Variants in PIK3C3 observed in about 807,000 individuals in gnomAD.
PIK3C3 encodes the protein PI3-kinase type 3.
PIK3C3 carries 95 observed loss-of-function variants against 126.1 expected under a neutral mutation model. That is an observed-to-expected ratio of 0.75 (90% CI 0.64 to 0.89). The LOEUF (loss-of-function observed/expected upper bound fraction) is 0.89, where lower values mean the gene tolerates loss of function less well. Among genes scored for constraint, PIK3C3 ranks in the 40% least tolerant of loss-of-function variants. The pLI is 0.00. For synonymous variants in PIK3C3, 374 were observed against 360.0 expected, an observed-to-expected ratio of 1.04 and a Z score of -0.44; for missense variants, 829 against 1,063.2, an observed-to-expected ratio of 0.78 and a Z score of 3.06.
intron 7 of PIK3C3, 54 bp from the exon 8 acceptor site, chr18:41,995,836 T>G (rs1301897815): frequency 8.0e-7 from 1 of 1,251,956 alleles, no homozygotes; most frequent in Non-Finnish European, 1.2e-6. Context: ...GAATAGCTTT[T>G]GAAATTTCCT....
chr18:42,042,976 A>G (rs1312704853), intron 19 of PIK3C3, among the ~76,000 whole-genome samples: 2 of 152,044 alleles, frequency 1.3e-5, no homozygotes, highest in African/African-American at 4.8e-5. Context: ...CCTGTGGCCC[A>G]TGTTCCTGTC....
intron 24 of PIK3C3, among the ~76,000 whole-genome samples, chr18:42,076,099 T>TAC (rs1985968889): frequency 1.3e-5 from 1 of 74,924 alleles, no homozygotes; most frequent in African/African-American, 7.0e-5. Flanking sequence ...CATATATATA[T>TAC]ATATATATAT....
At chr18:42,010,880 T>C (rs898367794) in intron 10 of PIK3C3, among the ~76,000 whole-genome samples, 1 of 152,200 alleles carries the variant, frequency 6.6e-6, no homozygotes, top group Admixed American at 6.5e-5. Flanking sequence ...ATAATAAGAC[T>C]TGAAAGTCGA....
At position 42,076,146 on chromosome 18, in the gene PIK3C3, GCATATATATATATATGCA is replaced by G. The variant is rs1315528137; in HGVS notation, c.2650-4963_2650-4946del. ...TGCGCATATATATATATATATATGC[GCATATATATATATATGCA>G]CATATATATATATGCACATATATAT... On this transcript the variant is annotated intron_variant, in intron 24 of 24. Coordinates refer to ENST00000262039, the MANE Select transcript of PIK3C3 (RefSeq NM_002647.4). Among the ~76,000 whole-genome samples, 151 of 32,342 alleles carry G rather than the reference GCATATATATATATATGCA, an allele frequency of 4.7e-3. 2 individuals carry two copies. Among genetic ancestry groups the G allele is most frequent in the Non-Finnish European group, 0.011 (132 of 11,772 alleles). 21.2% of individuals were successfully genotyped at this position (32,342 alleles called of 152,430 possible). A position where few individuals can be genotyped will look rare whatever the true frequency, so the allele number is the denominator to read the frequency against.
At chr18:42,062,258 A>G (rs62082876) in intron 22 of PIK3C3, among the ~76,000 whole-genome samples, 1 of 149,140 alleles carries the variant, frequency 6.7e-6, no homozygotes, top group Non-Finnish European at 1.5e-5. Flanking sequence ...TTTTTTTATA[A>G]TATGTAACAG....
chr18:41,961,330 T>C (rs1363013908), intron 2 of PIK3C3, among the ~76,000 whole-genome samples: 2 of 152,232 alleles, frequency 1.3e-5, no homozygotes, highest in Admixed American at 1.3e-4. Flanking sequence ...CACTGCTTAG[T>C]GTTTTTCTTT....
In PIK3C3 at chr18:42,020,675, A is replaced by G; in HGVS notation, c.1454A>G (p.Lys485Arg). ...LCTFLISRAC[K>R]NSTLANYLYW... is the part of the protein sequence containing the mutation. The stretch of plus-strand genomic sequence containing the variant: ...ACCTTCTTGATATCGAGAGCCTGCA[A>G]AAACTCAACACTGGCTAATTATTTA... The change falls in exon 13 of 25, where the codon AAA (lysine) becomes AGA (arginine). Residue 485 changes from lysine (K) to arginine (R), a missense_variant. Transcript: ENST00000262039. 6.2e-7 allele frequency: 1 copy of G among 1,603,860 alleles called. No homozygotes were observed. Among genetic ancestry groups the G allele is most frequent in the South Asian group, 1.1e-5 (1 of 90,398 alleles).
chr18:42,044,757 T>A (rs1032907301), intron 20 of PIK3C3, among the ~76,000 whole-genome samples: 4 of 152,156 alleles, frequency 2.6e-5, no homozygotes, highest in African/African-American at 9.6e-5. Context: ...TATAACTAGA[T>A]TGTTTATGGG....
intron 4 of PIK3C3, among the ~76,000 whole-genome samples, chr18:41,979,229 A>C (rs765867840): frequency 6.6e-6 from 1 of 152,126 alleles, no homozygotes. Flanking sequence ...CTGTTTCCAC[A>C]TGTGATTTAT....
chr18:41,996,182 A>C (rs537183948), intron 8 of PIK3C3, among the ~76,000 whole-genome samples, 188 bp downstream of exon 8: 7 of 152,170 alleles, frequency 4.6e-5, no homozygotes, highest in African/African-American at 1.7e-4. Flanking sequence ...TAAATGTGTT[A>C]TCTCTGGAGA....
At chr18:41,969,192 A>G (rs117256098) in intron 3 of PIK3C3, among the ~76,000 whole-genome samples, 362 of 152,136 alleles carry the variant, frequency 2.4e-3, no homozygotes, top group Admixed American at 5.7e-3. Context: ...GTCCATCTAC[A>G]CACACTTCTA....
intron 21 of PIK3C3, chr18:42,050,225 A>C (rs1224090669): frequency 2.0e-5 from 3 of 152,176 alleles, no homozygotes; most frequent in Admixed American, 6.5e-5. Flanking sequence ...TAGATTGTTA[A>C]AATGTCCTTT....
At chr18:42,005,842 A>G (rs1982518246) in intron 10 of PIK3C3, among the ~76,000 whole-genome samples, 1 of 150,008 alleles carries the variant, frequency 6.7e-6, no homozygotes, top group African/African-American at 2.4e-5. Flanking sequence ...ACCCCAACAA[A>G]TAATTCATCT....
chr18:42,043,674 A>C, intron 19 of PIK3C3, 59 bp from the exon 20 acceptor site: 1 of 1,134,776 alleles, frequency 8.8e-7, no homozygotes, highest in East Asian at 2.4e-5. Flanking sequence ...TATAGTTTCA[A>C]AACACCTAGT....
At chr18:42,060,895 T>C (rs1457785964) in intron 22 of PIK3C3, among the ~76,000 whole-genome samples, 1 of 152,230 alleles carries the variant, frequency 6.6e-6, no homozygotes, top group African/African-American at 2.4e-5. Flanking sequence ...CATACATCAT[T>C]AACTACATTG....
At position 42,081,052 on chromosome 18, in the gene PIK3C3, A is replaced by G. The variant is rs1037339212; in HGVS notation, c.2650-71A>G. On this transcript the variant is annotated intron_variant, in intron 24 of 24. Transcript: ENST00000262039. ...TTTATTAGTAGTCTTTTTTAAAACT[A>G]TAGACTATTGTTTATCTTTGTGAAT... The G allele has an allele frequency of 2.2e-5, 20 of 896,150 alleles. No homozygotes were observed. The Middle Eastern group carries it at 7.5e-4, about 34-fold the overall frequency. The allele number at this position is 896,150 out of a possible 1,614,324, so 55.5% of individuals were successfully genotyped here. A position where few individuals can be genotyped will look rare whatever the true frequency, so the allele number is the denominator to read the frequency against.
At chr18:41,996,969 T>G (rs1982056567) in intron 9 of PIK3C3, among the ~76,000 whole-genome samples, 1 of 152,066 alleles carries the variant, frequency 6.6e-6, no homozygotes, top group Non-Finnish European at 1.5e-5. Flanking sequence ...GAGACTTGGG[T>G]TCGTTTTCCA....
At chr18:41,955,590 C>T (rs759627320) in intron 1 of PIK3C3, 9 of 465,656 alleles carry the variant, frequency 1.9e-5, no homozygotes, top group Non-Finnish European at 3.4e-5. Context: ...GTAGGAATAG[C>T]CCTTAAGTTC....
chr18:42,015,553 G>C lies in PIK3C3; in HGVS notation c.1403G>C (p.Gly468Ala), dbSNP rs1208995682. ...TCAAAAACAAAAGAAGTTCCAGATG[G>C]CGAAAATCTGGAAGTGAGTACAAAG... ...PASKTKEVPD[G>A]ENLEQDLCTF... The change falls in exon 12 of 25, where the codon GGC (glycine) becomes GCC (alanine). Residue 468 changes from glycine (G) to alanine (A), a missense_variant. Gly to Ala is a moderately conservative substitution (Grantham distance 60). This residue lies in a region of PIK3C3 where 256 missense variants were observed against 291.0 expected (regional missense o/e 0.88). Transcript: ENST00000262039. 1.9e-6 allele frequency: 3 copies of C among 1,612,578 alleles called. No individual in the cohort carries two copies. In the African/African-American group the frequency reaches 4.0e-5, roughly 22 times the overall value.
Sources: allele counts gnomAD v4.1 joint callset (sites outside exome capture counted in the v4.1 genomes callset), GRCh38; gene constraint gnomAD v4.1.1; regional missense constraint gnomAD v4.1.1; transcripts MANE v1.5; gene names NCBI Gene and HGNC (gene_info 2026-07-23, HGNC 2026-07-21).